ACYP2: variants seen among roughly 807,000 people sequenced by gnomAD.
The protein encoded by ACYP2 is acylphosphatase 2, also known as acylphosphatase-2.
In ACYP2, 12 loss-of-function variants were observed where a neutral mutation model predicts 11.2. The ratio of observed to expected loss-of-function variants is 1.08; its 90% CI spans 0.69 to 1.74. ACYP2 has a LOEUF of 1.74. Among genes scored for constraint, ACYP2 ranks in the 40% most tolerant of loss-of-function variants. The probability of loss-of-function intolerance (pLI) is 0.00; values close to 1 mark genes in which losing one functional copy is unlikely to be tolerated. For missense variants in ACYP2, 134 were observed against 101.9 expected, an observed-to-expected ratio of 1.31 and a Z score of -1.35; for synonymous variants, 43 against 32.2, an observed-to-expected ratio of 1.33 and a Z score of -1.13.
Position 54,195,794 on chromosome 2 carries a change from G to GTTTTTTTTTTTTTTT in ACYP2, c.404+57053_404+57067dup, listed in dbSNP as rs1168917459. On this transcript the variant is annotated intron_variant, in intron 6 of 6. Transcript: ENST00000607452. ...GTACATTGTCATCGTTTTGTTGTGGGTTTTTTTTTTTTTTTTTTTTTGAGA... is the reference window on the plus strand; with the variant it reads ...GTACATTGTCATCGTTTTGTTGTGGGTTTTTTTTTTTTTTTTTTTTTTTTTTTTTTTTTTTTGAGA... Among the ~76,000 whole-genome samples the GTTTTTTTTTTTTTTT allele has an allele frequency of 5.3e-4, 44 of 83,144 alleles. 1 individual carries two copies. The highest frequency in any genetic ancestry group is 0.02 in the Middle Eastern group (2 of 100). The allele number at this position is 83,144 out of a possible 152,430, so 54.5% of individuals were successfully genotyped here.
At chr2:54,181,033 G>T (rs1683696710) in intron 6 of ACYP2, among the ~76,000 whole-genome samples, 1 of 152,096 alleles carries the variant, frequency 6.6e-6, no homozygotes. Flanking sequence ...CTTTACTTAG[G>T]TTAACCTTGT....
At chr2:53,976,907 G>A (rs1176023021) in intron 2 of ACYP2, among the ~76,000 whole-genome samples, 1 of 152,026 alleles carries the variant, frequency 6.6e-6, no homozygotes, top group Non-Finnish European at 1.5e-5. Context: ...GTTTATTTTT[G>A]GGGGGATTTG....
intron 2 of ACYP2, among the ~76,000 whole-genome samples, chr2:54,007,935 C>T (rs1160555734): frequency 3.9e-5 from 6 of 152,114 alleles, no homozygotes; most frequent in Admixed American, 3.9e-4. Context: ...CTACTATCAT[C>T]CTTGCTTTAA....
intron 2 of ACYP2, among the ~76,000 whole-genome samples, chr2:53,974,403 G>C (rs188187179): frequency 1.1e-4 from 17 of 152,236 alleles, no homozygotes; most frequent in South Asian, 6.2e-4. Flanking sequence ...TGGAATGTTT[G>C]GTACTGGAAG....
intron 6 of ACYP2, among the ~76,000 whole-genome samples, chr2:54,225,485 C>T (rs1685975877): frequency 6.6e-6 from 1 of 151,866 alleles, no homozygotes; most frequent in South Asian, 2.1e-4. Context: ...GCATGATCTT[C>T]TTTACAGTTT....
intron 6 of ACYP2, among the ~76,000 whole-genome samples, chr2:54,178,000 A>T (rs1249970652): frequency 6.7e-6 from 1 of 149,928 alleles, no homozygotes; most frequent in Admixed American, 6.7e-5. Context: ...TACCTCCCAG[A>T]TTCAAGCAAT....
In ACYP2 at chr2:54,046,416, TTGCAGTGAACC is replaced by T. The variant is rs1249652477; in HGVS notation, c.63-4531_63-4521del. Among the ~76,000 whole-genome samples the T allele has an allele frequency of 4.0e-5, 6 of 150,504 alleles. No homozygotes were observed. The Admixed American group carries it at 4.0e-4, about 10-fold the overall frequency. ...ATTACTTGAACCTGGGAAGCGGAGG[TTGCAGTGAACC>T]TGCAGTGAACTGCAGTGCCATCGCA... On this transcript the variant is annotated intron_variant, in intron 2 of 6. Transcript: ENST00000607452.
At chr2:54,071,264 A>C (rs1236217235) in intron 4 of ACYP2, among the ~76,000 whole-genome samples, 1 of 152,154 alleles carries the variant, frequency 6.6e-6, no homozygotes, top group African/African-American at 2.4e-5. Context: ...TCTATTCAAC[A>C]CTGCACTACA....
chr2:54,128,948 T>C (rs1228621773), intron 4 of ACYP2, among the ~76,000 whole-genome samples: 2 of 152,192 alleles, frequency 1.3e-5, no homozygotes, highest in African/African-American at 4.8e-5. Flanking sequence ...GAAACACCCT[T>C]ACAGACACAC....
chr2:54,212,459 G>A (rs1685367698), intron 6 of ACYP2, among the ~76,000 whole-genome samples: 1 of 152,150 alleles, frequency 6.6e-6, no homozygotes, highest in Non-Finnish European at 1.5e-5. Context: ...GCATTTCCTT[G>A]TGCTTTACTA....
intron 6 of ACYP2, among the ~76,000 whole-genome samples, chr2:54,287,378 T>G (rs558986376): frequency 6.6e-6 from 1 of 152,118 alleles, no homozygotes; most frequent in Admixed American, 6.5e-5. Context: ...TACTTCTTAA[T>G]ACTGTCACAC....
intron 4 of ACYP2, among the ~76,000 whole-genome samples, chr2:54,075,746 G>A (rs565280950): frequency 4.6e-5 from 7 of 152,028 alleles, no homozygotes; most frequent in South Asian, 2.1e-4. Context: ...CTGGGAGGCC[G>A]AGGTTGCAGT....
chr2:54,121,582 T>A (rs773466106), intron 4 of ACYP2, among the ~76,000 whole-genome samples: 4 of 152,248 alleles, frequency 2.6e-5, no homozygotes, highest in Non-Finnish European at 5.9e-5. Flanking sequence ...GATTTAGAAG[T>A]ACACATTTTT....
chr2:54,214,118 T>A (rs1685453458), intron 6 of ACYP2, among the ~76,000 whole-genome samples: 1 of 152,080 alleles, frequency 6.6e-6, no homozygotes, highest in Non-Finnish European at 1.5e-5. Flanking sequence ...TCGTTTAAGT[T>A]CCTTATAGAT....
At chr2:54,095,478 T>C (rs1455703354) in intron 4 of ACYP2, among the ~76,000 whole-genome samples, 2 of 149,942 alleles carry the variant, frequency 1.3e-5, no homozygotes, top group Non-Finnish European at 3.0e-5. Flanking sequence ...GAGGCGCCCC[T>C]CACCTCCCGG....
intron 6 of ACYP2, among the ~76,000 whole-genome samples, chr2:54,231,379 T>C (rs978497904): frequency 6.6e-6 from 1 of 152,214 alleles, no homozygotes; most frequent in South Asian, 2.1e-4. Context: ...TACTAAGATA[T>C]AGCATGCATC....
Position 54,204,298 on chromosome 2 carries a change from A to ATTT in ACYP2, c.404+65561_404+65563dup, listed in dbSNP as rs34841607. On this transcript the variant is annotated intron_variant, in intron 6 of 6. Transcript: ENST00000607452. The stretch of plus-strand genomic sequence containing the variant: ...ATGAGCCACTGCGCCCGGCCATGGG[A>ATTT]TTTTTTTTTTTTTATGATTTTTTTT... 5.1e-3 allele frequency among the ~76,000 whole-genome samples: 753 copies of ATTT among 146,724 alleles called. 5 individuals are homozygous for ATTT. The highest frequency in any genetic ancestry group is 0.021 in the Middle Eastern group (6 of 282).
chr2:54,142,728 AT>A (rs1681676605), intron 6 of ACYP2: 2 of 152,102 alleles, frequency 1.3e-5, no homozygotes, highest in Admixed American at 6.5e-5. Context: ...CCCAAAAAAA[AT>A]AAAATAAAAT....
chr2:54,206,763 CAA>C (rs1406565204), intron 6 of ACYP2, among the ~76,000 whole-genome samples: 1 of 152,122 alleles, frequency 6.6e-6, no homozygotes, highest in Non-Finnish European at 1.5e-5. Context: ...GTAGGGGGTG[CAA>C]TCTGTTTTAA....
Sources: allele counts gnomAD v4.1 joint callset (sites outside exome capture counted in the v4.1 genomes callset), GRCh38; gene constraint gnomAD v4.1.1; transcripts MANE v1.5; gene names NCBI Gene and HGNC (gene_info 2026-07-23, HGNC 2026-07-21).